CADM2: variants seen among roughly 807,000 people sequenced by gnomAD.
The protein encoded by CADM2 is cell adhesion molecule 2, also known as immunoglobulin superfamily member 4D.
Under a neutral mutation model 49.8 loss-of-function variants are expected in CADM2, and 12 were observed. The observed-to-expected ratio is 0.24, with a 90% confidence interval of 0.15 to 0.39. CADM2 has a LOEUF of 0.39. Ranked by LOEUF, CADM2 falls within the 10% of genes least tolerant of loss-of-function variation. The pLI is 1.00. For missense variants in CADM2, 378 were observed against 492.3 expected (o/e 0.77, Z 2.20); for synonymous variants, 214 against 175.4 (o/e 1.22, Z -1.74).
intron 1 of CADM2, among the ~76,000 whole-genome samples, chr3:85,442,903 G>GA (rs1401809093): frequency 6.6e-6 from 1 of 151,530 alleles, no homozygotes; most frequent in Non-Finnish European, 1.5e-5. Flanking sequence ...GCCATTTTGT[G>GA]ACAATATTTG....
At position 84,959,186 on chromosome 3, in the gene CADM2, C is replaced by T. The variant is rs1311063678; in HGVS notation, c.-422C>T. 3.9e-6 allele frequency: 1 copy of T among 253,404 alleles called. No homozygotes were observed. Among genetic ancestry groups the T allele is most frequent in the African/African-American group, 2.3e-5 (1 of 43,184 alleles). The allele number at this position is 253,404 out of a possible 1,614,324, so 15.7% of individuals were successfully genotyped here. On this transcript the variant is annotated 5_prime_UTR_variant, in exon 1 of 10. Coordinates refer to ENST00000383699, the MANE Select transcript of CADM2 (RefSeq NM_001167675.2). ...GCTGCTTGCTTGCTCCTCCTCTCCC[C>T]CAGCCCTTCCCCTCCGTGACCTACC...
At chr3:85,224,474 T>TTCGTAGAGTCTTCGTA (rs2042108515) in intron 1 of CADM2, among the ~76,000 whole-genome samples, 1 of 152,214 alleles carries the variant, frequency 6.6e-6, no homozygotes, top group Non-Finnish European at 1.5e-5. Context: ...TAAATTTGTT[T>TTCGTAGAGTCTTCGTA]AAGTTCTTCG....
chr3:85,015,358 A>G (rs2034207307), intron 1 of CADM2, among the ~76,000 whole-genome samples: 1 of 152,174 alleles, frequency 6.6e-6, no homozygotes, highest in Admixed American at 6.5e-5. Flanking sequence ...AGAACTTGTG[A>G]TTTAATCATG....
intron 1 of CADM2, among the ~76,000 whole-genome samples, chr3:84,996,493 A>G (rs1462852697): frequency 2.6e-5 from 4 of 152,108 alleles, no homozygotes; most frequent in African/African-American, 9.7e-5. Flanking sequence ...CTAAATTCTG[A>G]CAGCTTTATG....
intron 1 of CADM2, among the ~76,000 whole-genome samples, chr3:85,103,714 G>A (rs561618292): frequency 2.0e-5 from 3 of 152,208 alleles, no homozygotes; most frequent in South Asian, 4.1e-4. Context: ...CTGGCAAGGG[G>A]GGAGGCATCC....
chr3:85,866,723 T>C (rs1559710174), intron 3 of CADM2, among the ~76,000 whole-genome samples: 3 of 152,070 alleles, frequency 2.0e-5, no homozygotes. Context: ...ATTTTACGTG[T>C]TCTTCTGGTT....
intron 1 of CADM2, among the ~76,000 whole-genome samples, chr3:85,408,904 T>A (rs578062079): frequency 3.3e-5 from 5 of 152,156 alleles, no homozygotes; most frequent in African/African-American, 1.2e-4. Context: ...TGTGTCACTT[T>A]CTCTTATAAA....
At chr3:85,043,856 A>G (rs2035544443) in intron 1 of CADM2, among the ~76,000 whole-genome samples, 1 of 152,080 alleles carries the variant, frequency 6.6e-6, no homozygotes, top group African/African-American at 2.4e-5. Context: ...TTCAATATCC[A>G]TGCAATAGAA....
At chr3:84,991,390 A>T (rs1468613692) in intron 1 of CADM2, among the ~76,000 whole-genome samples, 1 of 152,116 alleles carries the variant, frequency 6.6e-6, no homozygotes, top group Non-Finnish European at 1.5e-5. Flanking sequence ...CAACAAAGTG[A>T]ATTTGTAGTG....
At chr3:85,953,177 T>C (rs1723654960) in intron 7 of CADM2, among the ~76,000 whole-genome samples, 1 of 151,024 alleles carries the variant, frequency 6.6e-6, no homozygotes, top group Admixed American at 6.6e-5. Context: ...TACTTTTTCA[T>C]GTTCTGCTTT....
intron 1 of CADM2, among the ~76,000 whole-genome samples, chr3:85,238,896 T>A (rs1196824840): frequency 6.6e-6 from 1 of 151,882 alleles, no homozygotes; most frequent in African/African-American, 2.4e-5. Context: ...TTAAACTTTT[T>A]TTTTTTATTC....
At chr3:85,146,750 A>G (rs1575976748) in intron 1 of CADM2, among the ~76,000 whole-genome samples, 3 of 152,338 alleles carry the variant, frequency 2.0e-5, no homozygotes, top group African/African-American at 7.2e-5. Flanking sequence ...TCAGAGAAAC[A>G]TACAGTATAA....
intron 1 of CADM2, among the ~76,000 whole-genome samples, chr3:85,462,776 T>G (rs952320811): frequency 5.3e-5 from 8 of 152,190 alleles, no homozygotes; most frequent in Non-Finnish European, 8.8e-5. Flanking sequence ...ACACTGAACT[T>G]TACTGTCTTT....
intron 8 of CADM2, chr3:86,015,018 G>A (rs777098156): frequency 1.1e-6 from 1 of 918,066 alleles, no homozygotes; most frequent in Non-Finnish European, 1.8e-6. Context: ...CATAAATTGT[G>A]ACATAAAACA....
chr3:85,355,217 G>T (rs1441633357), intron 1 of CADM2, among the ~76,000 whole-genome samples: 1 of 152,018 alleles, frequency 6.6e-6, no homozygotes, highest in African/African-American at 2.4e-5. Context: ...TTCAGTGGAG[G>T]TCGAGATGAT....
chr3:85,599,519 G>T (rs543218518), intron 1 of CADM2, among the ~76,000 whole-genome samples: 1 of 151,978 alleles, frequency 6.6e-6, no homozygotes, highest in East Asian at 1.9e-4. Flanking sequence ...TCATTTATAT[G>T]AATTAATATT....
intron 1 of CADM2, among the ~76,000 whole-genome samples, chr3:84,963,492 C>T: frequency 6.6e-6 from 1 of 152,116 alleles, no homozygotes; most frequent in East Asian, 1.9e-4. Flanking sequence ...TTGTTGAGAA[C>T]TGTGTTTACT....
intron 1 of CADM2, among the ~76,000 whole-genome samples, chr3:85,635,047 A>G (rs776431001): frequency 2.0e-5 from 3 of 152,126 alleles, no homozygotes; most frequent in East Asian, 1.9e-4. Context: ...AATACTTAGC[A>G]TAGTACTCGT....
chr3:85,540,486 A>G (rs1423665281), intron 1 of CADM2, among the ~76,000 whole-genome samples: 1 of 152,184 alleles, frequency 6.6e-6, no homozygotes, highest in Non-Finnish European at 1.5e-5. Flanking sequence ...AGATATAACA[A>G]ATATGCTCAT....
Sources: allele counts gnomAD v4.1 joint callset (sites outside exome capture counted in the v4.1 genomes callset), GRCh38; gene constraint gnomAD v4.1.1; transcripts MANE v1.5; gene names NCBI Gene and HGNC (gene_info 2026-07-23, HGNC 2026-07-21).